ROBO1: variants seen among roughly 807,000 people sequenced by gnomAD.
ROBO1 encodes the protein roundabout homolog 1.
ROBO1 carries 149 observed loss-of-function variants against 195.9 expected under a neutral mutation model. The observed-to-expected ratio is 0.76, with a 90% CI of 0.67 to 0.87. ROBO1 has a LOEUF of 0.87. Ranked by LOEUF, ROBO1 falls within the 40% of genes least tolerant of loss-of-function variation. The pLI is 0.00. For missense variants in ROBO1, 1,933 were observed against 2,068.3 expected (o/e 0.93, Z 1.27); for synonymous variants, 816 against 733.2 (o/e 1.11, Z -1.82).
chr3:79,066,837 G>A (rs1290210894), intron 3 of ROBO1, among the ~76,000 whole-genome samples: 1 of 151,904 alleles, frequency 6.6e-6, no homozygotes, highest in African/African-American at 2.4e-5. Context: ...ATCATTCTCA[G>A]CAGATAACGA....
intron 1 of ROBO1, among the ~76,000 whole-genome samples, chr3:79,694,255 T>A (rs183932804): frequency 1.1e-4 from 16 of 151,944 alleles, no homozygotes; most frequent in Non-Finnish European, 2.1e-4. Flanking sequence ...GTAGAATGTC[T>A]AATCAGCATT....
chr3:79,309,219 T>G (rs998370717), intron 2 of ROBO1, among the ~76,000 whole-genome samples: 1 of 152,190 alleles, frequency 6.6e-6, no homozygotes, highest in Admixed American at 6.5e-5. Flanking sequence ...ACTACATGTT[T>G]ATAATAAACT....
chr3:78,968,225 A>C (rs185258950), intron 3 of ROBO1, among the ~76,000 whole-genome samples: 64 of 151,292 alleles, frequency 4.2e-4, no homozygotes, highest in African/African-American at 1.4e-3. Context: ...GAGCCACAGG[A>C]GTCATGAAAT....
chr3:78,714,685 G>A, intron 7 of ROBO1, 161 bp from the exon 8 acceptor site: 1 of 574,174 alleles, frequency 1.7e-6, no homozygotes, highest in Non-Finnish European at 2.8e-6. Context: ...CAGAAGAAAA[G>A]CTTGTTTTTA....
At position 78,614,684 on chromosome 3, in the gene ROBO1, G is replaced by T; in HGVS notation, c.4399C>A (p.Gln1467Lys). Residue 1467 changes from glutamine (Q) to lysine (K), a missense_variant, in exon 28 of 31, where the codon CAG (glutamine) becomes AAG (lysine). Physicochemically the swap from Gln to Lys is moderately conservative, Grantham distance 53. Around this residue, in one of 3 missense-constraint regions of ROBO1, gnomAD observed 1,737 missense variants for 1,882.5 expected, o/e 0.92. Transcript: ENST00000464233. ...GTTTCTCTGCGCAGATGTCCTGGCT[G>T]GTGTTTCAGTTTCTTGGCTGGTCTG... is the stretch of plus-strand genomic sequence containing the variant. Reference protein sequence around the residue: ...KTRPAKKLKHQPGHLRRETYT... With the variant: ...KTRPAKKLKHKPGHLRRETYT... 6.2e-7 allele frequency: 1 copy of T among 1,613,662 alleles called. No individual in the cohort carries two copies. The highest frequency in any genetic ancestry group is 8.5e-7 in the Non-Finnish European group (1 of 1,179,802).
At chr3:78,983,310 T>C (rs186570411) in intron 3 of ROBO1, among the ~76,000 whole-genome samples, 1 of 152,220 alleles carries the variant, frequency 6.6e-6, no homozygotes, top group Non-Finnish European at 1.5e-5. Flanking sequence ...TCTTTTCACC[T>C]TCTCCCCCTA....
intron 1 of ROBO1, among the ~76,000 whole-genome samples, chr3:79,703,401 T>C (rs977926545): frequency 6.6e-6 from 1 of 151,708 alleles, no homozygotes; most frequent in Non-Finnish European, 1.5e-5. Flanking sequence ...TAATCCTGAA[T>C]CTCTTAATAT....
At chr3:79,516,099 T>G (rs1940931370) in intron 2 of ROBO1, among the ~76,000 whole-genome samples, 1 of 151,944 alleles carries the variant, frequency 6.6e-6, no homozygotes, top group South Asian at 2.1e-4. Context: ...GATCAATGCA[T>G]ATGAAGAAAA....
At chr3:78,896,659 A>AC (rs1491362166) in intron 4 of ROBO1, among the ~76,000 whole-genome samples, 1 of 15,426 alleles carries the variant, frequency 6.5e-5, no homozygotes, top group Admixed American at 8.3e-4. Flanking sequence ...TGTTGCTCAC[A>AC]AAAAAAAAAA....
At chr3:79,750,506 A>C (rs1438210338) in intron 1 of ROBO1, among the ~76,000 whole-genome samples, 1 of 152,214 alleles carries the variant, frequency 6.6e-6, no homozygotes, top group African/African-American at 2.4e-5. Context: ...CCCAAATCTC[A>C]ACATGAATTG....
intron 4 of ROBO1, among the ~76,000 whole-genome samples, chr3:78,916,201 G>T (rs973303487): frequency 7.0e-5 from 10 of 142,284 alleles, no homozygotes; most frequent in Non-Finnish European, 1.3e-4. Flanking sequence ...AGTGAGCCGA[G>T]ATCGCGCCAC....
intron 1 of ROBO1, among the ~76,000 whole-genome samples, chr3:79,664,845 C>T (rs1046347452): frequency 3.3e-5 from 5 of 151,882 alleles, no homozygotes; most frequent in Non-Finnish European, 7.4e-5. Context: ...GGCAGGTTTT[C>T]TGAAAAGTAA....
chr3:79,631,316 C>T (rs1224990323), intron 1 of ROBO1, among the ~76,000 whole-genome samples: 1 of 151,832 alleles, frequency 6.6e-6, no homozygotes, highest in South Asian at 2.1e-4. Context: ...GAATAGAGAA[C>T]CCAGAAATAA....
At chr3:79,355,521 C>A (rs2035515710) in intron 2 of ROBO1, among the ~76,000 whole-genome samples, 1 of 152,176 alleles carries the variant, frequency 6.6e-6, no homozygotes, top group African/African-American at 2.4e-5. Flanking sequence ...TCTTATCTAA[C>A]TGCAGCTTTG....
At chr3:78,957,345 G>A (rs141939905) in intron 3 of ROBO1, among the ~76,000 whole-genome samples, 2 of 150,698 alleles carry the variant, frequency 1.3e-5, no homozygotes, top group African/African-American at 2.5e-5. Flanking sequence ...ACAGTAAGTG[G>A]TACCTGTCTC....
At chr3:78,676,289 G>A (rs1391317474) in intron 10 of ROBO1, among the ~76,000 whole-genome samples, 3 of 151,836 alleles carry the variant, frequency 2.0e-5, no homozygotes, top group South Asian at 2.1e-4. Context: ...CCAAAGGAAC[G>A]CAGTTCCTCA....
intron 2 of ROBO1, among the ~76,000 whole-genome samples, chr3:79,577,621 A>G (rs1943529186): frequency 2.0e-5 from 3 of 152,074 alleles, no homozygotes; most frequent in Admixed American, 1.3e-4. Context: ...CATACCTGTA[A>G]TCCCAGCACT....
intron 2 of ROBO1, among the ~76,000 whole-genome samples, chr3:79,167,013 A>C (rs1430064539): frequency 6.6e-6 from 1 of 152,056 alleles, no homozygotes; most frequent in African/African-American, 2.4e-5. Flanking sequence ...CGTGTCTCCA[A>C]TGTTAAGAAC....
chr3:79,512,246 T>C (rs1176995080), intron 2 of ROBO1, among the ~76,000 whole-genome samples: 1 of 151,514 alleles, frequency 6.6e-6, no homozygotes, highest in Non-Finnish European at 1.5e-5. Flanking sequence ...TGAATATAGC[T>C]AGCATGAGCT....
Sources: gnomAD v4.1 joint callset for allele counts (sites outside exome capture counted in the v4.1 genomes callset) on GRCh38, gnomAD v4.1.1 for gene constraint, gnomAD v4.1.1 regional missense constraint, MANE v1.5 for transcripts, NCBI Gene and HGNC (gene_info 2026-07-23, HGNC 2026-07-21) for gene names.